DRC11: variants seen among roughly 807,000 people sequenced by gnomAD.
DRC11 encodes the protein dynein regulatory complex subunit 11.
the DRC11 span, among the ~76,000 whole-genome samples, chr2:236,364,245 C>T: frequency 6.6e-6 from 1 of 151,088 alleles, no homozygotes; most frequent in African/African-American, 2.4e-5. Flanking sequence ...ATCAGTATTT[C>T]CCCTGAAATC....
At chr2:236,430,026 C>A in the DRC11 span, among the ~76,000 whole-genome samples, 2 of 152,014 alleles carry the variant, frequency 1.3e-5, no homozygotes, top group African/African-American at 4.8e-5. This position sits in a 1 kb window ranked among gnomAD's most constrained non-coding sequence, Gnocchi z 6.0. Flanking sequence ...CTCAGCAGGG[C>A]TGTTGAGTTC....
the DRC11 span, among the ~76,000 whole-genome samples, chr2:236,321,457 G>A: frequency 6.6e-6 from 1 of 151,972 alleles, no homozygotes; most frequent in African/African-American, 2.4e-5. Context: ...CAGAATATGA[G>A]TATGTGTGTG....
chr2:236,483,693 G>C, the DRC11 span, among the ~76,000 whole-genome samples: 1 of 152,178 alleles, frequency 6.6e-6, no homozygotes, highest in South Asian at 2.1e-4. The surrounding 1 kb of genome is among the most constrained non-coding windows in gnomAD (Gnocchi z 4.8). Flanking sequence ...AGCAATGCAG[G>C]ATGAGGGGCC....
the DRC11 span, among the ~76,000 whole-genome samples, chr2:236,385,041 C>T: frequency 1.3e-3 from 200 of 152,100 alleles, no homozygotes; most frequent in Middle Eastern, 0.02. Context: ...GGTATCAGTA[C>T]CATGCTGTTT....
the DRC11 span, chr2:236,497,268 G>A: frequency 1.3e-5 from 21 of 1,613,564 alleles, no homozygotes; most frequent in East Asian, 2.2e-5. The surrounding 1 kb of genome is among the most constrained non-coding windows in gnomAD (Gnocchi z 5.1). Context: ...CCATCACCCC[G>A]TCCAGGACTT....
the DRC11 span, among the ~76,000 whole-genome samples, chr2:236,308,432 T>C: frequency 2.6e-5 from 4 of 152,370 alleles, no homozygotes; most frequent in East Asian, 1.9e-4. This position sits in a 1 kb window ranked among gnomAD's most constrained non-coding sequence, Gnocchi z 6.0. Context: ...TTCGGGAACA[T>C]ACCCAGTAGA....
the DRC11 span, chr2:236,440,912 A>G: frequency 1.6e-6 from 1 of 633,814 alleles, no homozygotes; most frequent in South Asian, 2.1e-5. Context: ...GAACACCCAA[A>G]AGTATTTCCA....
the DRC11 span, among the ~76,000 whole-genome samples, chr2:236,442,941 C>T: frequency 3.3e-5 from 5 of 152,264 alleles, no homozygotes; most frequent in Admixed American, 6.5e-5. Context: ...GTTGTTTTCT[C>T]AAGGGAAAGA....
chr2:236,374,880 T>TA, the DRC11 span, among the ~76,000 whole-genome samples: 2 of 147,922 alleles, frequency 1.4e-5, no homozygotes, highest in Non-Finnish European at 3.0e-5. Flanking sequence ...TTTTTTTTTT[T>TA]AGTAGAGATG....
At chr2:236,345,097 G>A in the DRC11 span, among the ~76,000 whole-genome samples, 1 of 150,864 alleles carries the variant, frequency 6.6e-6, no homozygotes, top group Non-Finnish European at 1.5e-5. Flanking sequence ...GCAGAGCCCT[G>A]GTTGTAAACG....
chr2:236,337,491 G>A, the DRC11 span, among the ~76,000 whole-genome samples: 1 of 152,182 alleles, frequency 6.6e-6, no homozygotes, highest in Non-Finnish European at 1.5e-5. The surrounding 1 kb of genome is among the most constrained non-coding windows in gnomAD (Gnocchi z 4.9). Context: ...CAGCCCTGTG[G>A]CGTGAACCGT....
chr2:236,443,898 T>G, the DRC11 span, among the ~76,000 whole-genome samples: 1 of 152,202 alleles, frequency 6.6e-6, no homozygotes, highest in African/African-American at 2.4e-5. This position sits in a 1 kb window ranked among gnomAD's most constrained non-coding sequence, Gnocchi z 4.4. Flanking sequence ...TGGCGTGAGA[T>G]GGTATCTCGT....
At chr2:236,404,025 C>G in the DRC11 span, among the ~76,000 whole-genome samples, 59 of 152,172 alleles carry the variant, frequency 3.9e-4, no homozygotes, top group Admixed American at 3.7e-3. Context: ...CTGTGGCTGG[C>G]CTTGCACACT....
At chr2:236,357,081 C>CTATT in the DRC11 span, among the ~76,000 whole-genome samples, 2 of 98,328 alleles carry the variant, frequency 2.0e-5, no homozygotes, top group African/African-American at 1.1e-4. Context: ...TATTATATAT[C>CTATT]TATATATTTT....
the DRC11 span, among the ~76,000 whole-genome samples, chr2:236,502,358 T>C: frequency 6.6e-6 from 1 of 151,546 alleles, no homozygotes; most frequent in Non-Finnish European, 1.5e-5. Flanking sequence ...GGGTGGATCA[T>C]TTGAGGTCAG....
At chr2:236,507,410 T>G in the DRC11 span, 1 of 790,992 alleles carries the variant, frequency 1.3e-6, no homozygotes, top group Non-Finnish European at 2.2e-6. Flanking sequence ...AAACCAGGAC[T>G]GCGAGAATCT....
the DRC11 span, among the ~76,000 whole-genome samples, chr2:236,341,171 A>G: frequency 4.6e-5 from 7 of 152,256 alleles, no homozygotes; most frequent in Admixed American, 2.6e-4. Flanking sequence ...GCCAGCCCCA[A>G]GAAAGCAGCG....
At chr2:236,503,730 C>T in the DRC11 span, 13 of 1,541,612 alleles carry the variant, frequency 8.4e-6, no homozygotes, top group South Asian at 1.4e-4. The surrounding 1 kb of genome is among the most constrained non-coding windows in gnomAD (Gnocchi z 4.9). Flanking sequence ...GTCCTGATGC[C>T]TCTCCACGTG....
the DRC11 span, among the ~76,000 whole-genome samples, chr2:236,345,519 C>T: frequency 6.6e-6 from 1 of 152,150 alleles, no homozygotes; most frequent in African/African-American, 2.4e-5. Context: ...GTTTGCTTAC[C>T]ATGAGAAAAA....
Sources: allele counts gnomAD v4.1 joint callset (sites outside exome capture counted in the v4.1 genomes callset), GRCh38; gene constraint gnomAD v4.1.1; non-coding constraint Gnocchi (gnomAD v3.1); transcripts MANE v1.5; gene names NCBI Gene and HGNC (gene_info 2026-07-23, HGNC 2026-07-21).